The following CKAP5 variants were observed in gnomAD, a reference collection of about 807,000 sequenced individuals.
CKAP5 encodes the protein cytoskeleton associated protein 5, also known as cytoskeleton-associated protein 5.
A neutral mutation model predicts 232.8 loss-of-function variants in CKAP5; 27 were observed. The ratio of observed to expected loss-of-function variants is 0.12; its 90% CI spans 0.09 to 0.16. CKAP5 has a LOEUF of 0.16. Among genes scored for constraint, CKAP5 ranks in the 10% least tolerant of loss-of-function variants. The probability of loss-of-function intolerance (pLI) is 1.00; values close to 1 mark genes in which losing one functional copy is unlikely to be tolerated. For missense variants in CKAP5, 1,838 were observed against 2,424.7 expected (o/e 0.76, Z 5.08); for synonymous variants, 785 against 841.1 (o/e 0.93, Z 1.16).
chr11:46,772,487 G>A (rs1432482117), intron 24 of CKAP5, among the ~76,000 whole-genome samples: 2 of 152,072 alleles, frequency 1.3e-5, no homozygotes, highest in African/African-American at 4.8e-5. Flanking sequence ...TTAGGGTGAG[G>A]TTCATTTTTT....
intron 33 of CKAP5, 44 bp from the exon 34 acceptor site, chr11:46,759,486 T>C: frequency 6.4e-7 from 1 of 1,573,486 alleles, no homozygotes; most frequent in Non-Finnish European, 8.6e-7. Flanking sequence ...AGAGACTTCT[T>C]AACCAAAGGG....
chr11:46,751,095 A>G (rs1168529210), intron 40 of CKAP5, 23 bp downstream of exon 40: 2 of 1,613,632 alleles, frequency 1.2e-6, no homozygotes, highest in Non-Finnish European at 1.7e-6. Context: ...ATGTCCCTCA[A>G]TCTTTCAAGT....
chr11:46,763,116 G>A lies in CKAP5; in HGVS notation c.3751C>T (p.Leu1251=), dbSNP rs2065169734. The A allele has an allele frequency of 1.2e-6, 2 of 1,613,878 alleles. No homozygotes were observed. The highest frequency in any genetic ancestry group is 4.5e-5 in the East Asian group (2 of 44,874). ...CLDLILKWLT[L]RFFDTNTSVL... ...CTTGTATTGGTGTCAAAAAACCTCA[G>A]GGTAAGCCACTTTAAGATAAGATCC... Residue 1251 remains leucine, a synonymous_variant, in exon 30 of 44, where the codon CTG becomes TTG. Coordinates refer to ENST00000529230, the MANE Select transcript of CKAP5 (RefSeq NM_001008938.4).
Position 46,751,362 on chromosome 11 carries a change from T to A in CKAP5, c.5306A>T (p.Lys1769Ile). 1 of 1,613,614 alleles carries A rather than the reference T, an allele frequency of 6.2e-7. No homozygotes were observed. The highest frequency in any genetic ancestry group is 8.5e-7 in the Non-Finnish European group (1 of 1,179,770). The change falls in exon 39 of 44, where the codon AAA becomes ATA. Residue 1769 changes from lysine to isoleucine, a missense_variant. Around this residue, in one of 6 missense-constraint regions of CKAP5, gnomAD observed 579 missense variants for 843.2 expected, o/e 0.69. Coordinates refer to ENST00000529230, the MANE Select transcript of CKAP5 (RefSeq NM_001008938.4). The stretch of plus-strand genomic sequence containing the variant: ...CTTACTCACCTTGGGCCCTTTTAAT[T>A]TGCATAAGGTGTGTAGCAGGGTCTT... ...TLKTLLHTLCKLKGPKILDHL... is the reference protein window; with the variant it reads ...TLKTLLHTLCILKGPKILDHL...
intron 4 of CKAP5, among the ~76,000 whole-genome samples, chr11:46,812,647 A>AG (rs1357653761): frequency 2.0e-5 from 3 of 151,632 alleles, no homozygotes; most frequent in Non-Finnish European, 4.4e-5. Context: ...TTTTGTTTTT[A>AG]CTTTTTTGGA....
At chr11:46,789,184 A>T (rs920412304) in intron 15 of CKAP5, among the ~76,000 whole-genome samples, 1 of 152,210 alleles carries the variant, frequency 6.6e-6, no homozygotes, top group Admixed American at 6.5e-5. Context: ...ACCGAATATC[A>T]AAGATGCACA....
chr11:46,753,719 T>A (rs1320158064), intron 36 of CKAP5, among the ~76,000 whole-genome samples: 1 of 151,890 alleles, frequency 6.6e-6, no homozygotes, highest in Non-Finnish European at 1.5e-5. Flanking sequence ...CCCGAGTAGC[T>A]GGGACTACAG....
intron 28 of CKAP5, among the ~76,000 whole-genome samples, chr11:46,764,258 T>C (rs1402361729): frequency 1.3e-5 from 2 of 152,188 alleles, no homozygotes; most frequent in African/African-American, 2.4e-5. Flanking sequence ...AAATTATGCA[T>C]ATCATCATTC....
At chr11:46,767,796 G>GT (rs113176495) in intron 26 of CKAP5, 133 bp from the exon 27 acceptor site, 65,824 of 462,196 alleles carry the variant, frequency 0.14, 2,846 homozygotes, top group African/African-American at 0.32. Flanking sequence ...TTTTCAGTTA[G>GT]TTTTTTTTTT....
At chr11:46,813,788 A>C (rs1417496606) in intron 4 of CKAP5, among the ~76,000 whole-genome samples, 4 of 152,188 alleles carry the variant, frequency 2.6e-5, no homozygotes, top group African/African-American at 9.7e-5. Context: ...TAGCTAAAAA[A>C]TGAAATAACC....
intron 17 of CKAP5, 125 bp from the exon 18 acceptor site, chr11:46,783,493 AG>A: frequency 6.7e-6 from 4 of 598,380 alleles, no homozygotes; most frequent in Admixed American, 3.0e-5. Flanking sequence ...AGAATGCCTT[AG>A]GAACAAGAGT....
At chr11:46,785,836 T>A (rs1013112221) in intron 16 of CKAP5, among the ~76,000 whole-genome samples, 1 of 152,096 alleles carries the variant, frequency 6.6e-6, no homozygotes, top group African/African-American at 2.4e-5. Flanking sequence ...TCCCAGCTAC[T>A]TGGGAGGCTG....
intron 1 of CKAP5, among the ~76,000 whole-genome samples, chr11:46,837,833 T>C (rs1175868808): frequency 6.6e-6 from 1 of 152,088 alleles, no homozygotes; most frequent in African/African-American, 2.4e-5. Flanking sequence ...TTGACTAAAC[T>C]AATAAATGGG....
chr11:46,750,454 A>G, intron 41 of CKAP5, 21 bp from the exon 42 acceptor site: 3 of 1,613,758 alleles, frequency 1.9e-6, no homozygotes, highest in African/African-American at 2.7e-5. Flanking sequence ...GGAAAAGGGA[A>G]GAGGTGGGGA....
At chr11:46,798,219 G>T (rs1329475083) in intron 9 of CKAP5, 47 bp from the exon 10 acceptor site, 4 of 1,215,062 alleles carry the variant, frequency 3.3e-6, no homozygotes, top group Non-Finnish European at 4.9e-6. Context: ...AAAGAGGAAT[G>T]ATATATTGAT....
chr11:46,754,373 G>A (rs1281069155), intron 36 of CKAP5, among the ~76,000 whole-genome samples: 1 of 152,180 alleles, frequency 6.6e-6, no homozygotes, highest in African/African-American at 2.4e-5. Flanking sequence ...GTGTCATTAA[G>A]TCCACCCTTT....
chr11:46,824,515 A>C (rs1039563103), intron 1 of CKAP5, among the ~76,000 whole-genome samples: 21 of 152,212 alleles, frequency 1.4e-4, no homozygotes, highest in Admixed American at 1.2e-3. Context: ...CAAAAGCTGG[A>C]AACAGTTCAC....
At chr11:46,784,285 T>C (rs1291569376) in intron 17 of CKAP5, among the ~76,000 whole-genome samples, 1 of 151,992 alleles carries the variant, frequency 6.6e-6, no homozygotes, top group Non-Finnish European at 1.5e-5. Context: ...GGAGAATCAC[T>C]TGAACCCGGG....
intron 8 of CKAP5, among the ~76,000 whole-genome samples, chr11:46,806,378 C>T (rs750626254): frequency 6.6e-6 from 1 of 152,118 alleles, no homozygotes; most frequent in Non-Finnish European, 1.5e-5. Context: ...GAATTCAGCA[C>T]CAGAGCAATA....
Sources: gnomAD v4.1 joint callset for allele counts (sites outside exome capture counted in the v4.1 genomes callset) on GRCh38, gnomAD v4.1.1 for gene constraint, gnomAD v4.1.1 regional missense constraint, MANE v1.5 for transcripts, NCBI Gene and HGNC (gene_info 2026-07-23, HGNC 2026-07-21) for gene names.